The following EML4 variants were observed in gnomAD, a reference collection of about 807,000 sequenced individuals.
The protein encoded by EML4 is EMAP like 4.
A neutral mutation model predicts 129.0 loss-of-function variants in EML4; 72 were observed. That is an observed-to-expected ratio of 0.56 (90% CI 0.46 to 0.68). The LOEUF is 0.68. EML4 is among the 30% of genes least tolerant of loss of function. The pLI is 0.00. For missense variants in EML4, 1,363 were observed against 1,190.6 expected, an observed-to-expected ratio of 1.14 and a Z score of -2.13; for synonymous variants, 532 against 405.0, an observed-to-expected ratio of 1.31 and a Z score of -3.77.
At chr2:42,329,593 A>C in intron 22 of EML4, 141 bp from the exon 23 acceptor site, 3 of 651,738 alleles carry the variant, frequency 4.6e-6, no homozygotes, top group Non-Finnish European at 8.0e-6. Context: ...CTTACTCCTG[A>C]GATTTGATGA....
At chr2:42,310,074 T>G (rs1159842147) in intron 17 of EML4, among the ~76,000 whole-genome samples, 1 of 152,206 alleles carries the variant, frequency 6.6e-6, no homozygotes, top group Non-Finnish European at 1.5e-5. Flanking sequence ...TACAGCACCA[T>G]TTGTTGAAAA....
chr2:42,273,831 G>T (rs985842360), intron 6 of EML4, among the ~76,000 whole-genome samples: 1 of 152,012 alleles, frequency 6.6e-6, no homozygotes, highest in Non-Finnish European at 1.5e-5. Context: ...TACATTTTAT[G>T]ATTTAACTAT....
At chr2:42,279,960 A>G (rs1180611044) in intron 6 of EML4, among the ~76,000 whole-genome samples, 4 of 152,134 alleles carry the variant, frequency 2.6e-5, no homozygotes, top group African/African-American at 7.2e-5. Context: ...AGTCCATTTT[A>G]AAATCTGTTA....
chr2:42,236,076 A>G (rs1674657560), intron 1 of EML4, among the ~76,000 whole-genome samples: 2 of 152,310 alleles, frequency 1.3e-5, no homozygotes, highest in African/African-American at 4.8e-5. Context: ...TCTGTCATAC[A>G]ACCATCAGAA....
At chr2:42,327,039 C>T (rs973345268) in intron 21 of EML4, among the ~76,000 whole-genome samples, 1 of 152,190 alleles carries the variant, frequency 6.6e-6, no homozygotes, top group Admixed American at 6.5e-5. Context: ...CCCCAGCAAC[C>T]ACTAATCTGT....
intron 1 of EML4, among the ~76,000 whole-genome samples, chr2:42,192,030 T>TC (rs1671614641): frequency 6.6e-6 from 1 of 150,880 alleles, no homozygotes; most frequent in South Asian, 2.1e-4. Context: ...TTCCAGCTAC[T>TC]CGGGAGGCTG....
intron 1 of EML4, among the ~76,000 whole-genome samples, chr2:42,221,656 T>C (rs1314309372): frequency 6.6e-6 from 1 of 151,980 alleles, no homozygotes; most frequent in Non-Finnish European, 1.5e-5. Flanking sequence ...CAAGCTGGAA[T>C]GCAGTGGCGT....
intron 1 of EML4, among the ~76,000 whole-genome samples, chr2:42,192,245 G>GGT (rs1671635723): frequency 8.2e-5 from 12 of 145,510 alleles, no homozygotes; most frequent in African/African-American, 2.8e-4. Flanking sequence ...TTTTTTTTTG[G>GGT]GGGGGGGAGG....
chr2:42,250,136 A>T (rs776335958), intron 2 of EML4, among the ~76,000 whole-genome samples: 1 of 152,218 alleles, frequency 6.6e-6, no homozygotes, highest in African/African-American at 2.4e-5. Context: ...CGGAAGTTAA[A>T]AAGTTAAATT....
chr2:42,309,668 G>C (rs553782445), intron 17 of EML4, among the ~76,000 whole-genome samples: 1 of 152,234 alleles, frequency 6.6e-6, no homozygotes, highest in East Asian at 1.9e-4. Flanking sequence ...ATTTCTTCAA[G>C]TACTTATTGG....
intron 13 of EML4, among the ~76,000 whole-genome samples, chr2:42,299,638 A>G (rs974323379): frequency 2.0e-5 from 3 of 152,156 alleles, no homozygotes; most frequent in Non-Finnish European, 4.4e-5. Context: ...GAGTCATACA[A>G]TGTGTGGTCT....
At chr2:42,267,615 GA>G (rs1666133223) in intron 6 of EML4, among the ~76,000 whole-genome samples, 1 of 152,178 alleles carries the variant, frequency 6.6e-6, no homozygotes, top group Non-Finnish European at 1.5e-5. Context: ...AGAAAAGCTA[GA>G]AAGCTGCATA....
chr2:42,174,273 C>G (rs1459036519), intron 1 of EML4, among the ~76,000 whole-genome samples: 1 of 151,968 alleles, frequency 6.6e-6, no homozygotes, highest in Non-Finnish European at 1.5e-5. Flanking sequence ...GTGGAAGATT[C>G]CCAAATCTAT....
intron 1 of EML4, among the ~76,000 whole-genome samples, chr2:42,198,006 T>G (rs1202537489): frequency 6.6e-6 from 1 of 152,184 alleles, no homozygotes; most frequent in Non-Finnish European, 1.5e-5. Flanking sequence ...TTGGACAAGT[T>G]ATTTAATCTT....
intron 1 of EML4, among the ~76,000 whole-genome samples, chr2:42,212,823 A>G (rs979721968): frequency 6.6e-6 from 1 of 152,254 alleles, no homozygotes; most frequent in Non-Finnish European, 1.5e-5. Flanking sequence ...ATATTTTAAA[A>G]GTAACTACTA....
intron 14 of EML4, among the ~76,000 whole-genome samples, 158 bp downstream of exon 14, chr2:42,301,550 CTT>C (rs1668287874): frequency 6.6e-6 from 1 of 150,518 alleles, no homozygotes. Context: ...TTTAAGATAA[CTT>C]TTTTCAAAAA....
At chr2:42,290,240 C>CCTCTT (rs1214751472) in intron 11 of EML4, among the ~76,000 whole-genome samples, 1 of 152,082 alleles carries the variant, frequency 6.6e-6, no homozygotes, top group African/African-American at 2.4e-5. Context: ...GACTGTCTCT[C>CCTCTT]CTCTTCTCCC....
At chr2:42,324,645 C>T (rs957204613) in intron 19 of EML4, among the ~76,000 whole-genome samples, 1 of 152,150 alleles carries the variant, frequency 6.6e-6, no homozygotes, top group Non-Finnish European at 1.5e-5. Context: ...ATTGAAAAAG[C>T]ACAGTAGAAA....
chr2:42,182,918 C>T (rs559182159), intron 1 of EML4, among the ~76,000 whole-genome samples: 2 of 152,210 alleles, frequency 1.3e-5, no homozygotes, highest in South Asian at 4.1e-4. Context: ...GCCTGTGTGT[C>T]CAGATTTCCT....
Sources: allele counts gnomAD v4.1 joint callset (sites outside exome capture counted in the v4.1 genomes callset), GRCh38; gene constraint gnomAD v4.1.1; transcripts MANE v1.5; gene names NCBI Gene and HGNC (gene_info 2026-07-23, HGNC 2026-07-21).